GIGYF2: variants seen among roughly 807,000 people sequenced by gnomAD.
The protein encoded by GIGYF2 is GRB10 interacting GYF protein 2, also known as GRB10-interacting GYF protein 2.
In GIGYF2, 25 loss-of-function variants were observed where a neutral mutation model predicts 208.1. That is an observed-to-expected ratio of 0.12 (90% CI 0.09 to 0.17). The LOEUF (loss-of-function observed/expected upper bound fraction) is 0.17. GIGYF2 is among the 10% of genes least tolerant of loss of function. GIGYF2 has a pLI of 1.00. For missense variants in GIGYF2, 1,302 were observed against 1,579.4 expected (o/e 0.82, Z 2.98); for synonymous variants, 534 against 543.8 (o/e 0.98, Z 0.25).
rs571270424 is a variant in GIGYF2 at position 232,856,691 on chromosome 2, CACAA to C, written c.3833-90_3833-87del. On this transcript the variant is annotated intron_variant, in intron 28 of 28. Coordinates refer to ENST00000373563, the MANE Select transcript of GIGYF2 (RefSeq NM_001103146.3). Reference sequence around the variant, plus strand: ...TGGGTGACAGAGTGAAACCCTGTCTCACAAACAAACAAACACAGACTTACATTCC... The same window carrying C: ...TGGGTGACAGAGTGAAACCCTGTCTCACAAACAAACACAGACTTACATTCC... 1.0e-4 allele frequency: 86 copies of C among 825,460 alleles called. No individual in the cohort carries two copies. The East Asian group carries it at 1.4e-3, about 14-fold the overall frequency. The allele number at this position is 825,460 out of a possible 1,614,324, so 51.1% of individuals were successfully genotyped here.
At chr2:232,793,282 C>A (rs772688495) in intron 12 of GIGYF2, among the ~76,000 whole-genome samples, 1 of 152,148 alleles carries the variant, frequency 6.6e-6, no homozygotes, top group Non-Finnish European at 1.5e-5. Flanking sequence ...TTCACTGTGA[C>A]CGCTTAGACT....
intron 8 of GIGYF2, among the ~76,000 whole-genome samples, chr2:232,774,133 A>G (rs1362575279): frequency 6.6e-6 from 1 of 151,750 alleles, no homozygotes; most frequent in Non-Finnish European, 1.5e-5. Context: ...AAAAAAAAAA[A>G]GAAAGAAAAT....
intron 8 of GIGYF2, among the ~76,000 whole-genome samples, chr2:232,770,280 T>C (rs981089063): frequency 1.3e-5 from 2 of 152,232 alleles, no homozygotes; most frequent in African/African-American, 4.8e-5. Flanking sequence ...AAAAGGGCAC[T>C]AGTCCTCCTT....
At chr2:232,712,988 A>G (rs1696497332) in intron 2 of GIGYF2, among the ~76,000 whole-genome samples, 1 of 152,194 alleles carries the variant, frequency 6.6e-6, no homozygotes, top group Admixed American at 6.5e-5. Flanking sequence ...CCAGTACTAT[A>G]ACTACTAGCC....
At chr2:232,807,705 G>A (rs1360894656) in intron 15 of GIGYF2, among the ~76,000 whole-genome samples, 2 of 152,094 alleles carry the variant, frequency 1.3e-5, no homozygotes, top group Non-Finnish European at 2.9e-5. Context: ...GGACTGTCTG[G>A]TGACGGGCTG....
chr2:232,711,584 C>A (rs2106256989), intron 2 of GIGYF2, among the ~76,000 whole-genome samples: 2 of 151,094 alleles, frequency 1.3e-5, no homozygotes, highest in South Asian at 4.2e-4. Flanking sequence ...TACCTTTTTA[C>A]AGATTTCTTT....
intron 21 of GIGYF2, among the ~76,000 whole-genome samples, chr2:232,827,105 T>C (rs879629441): frequency 5.3e-5 from 8 of 152,174 alleles, no homozygotes; most frequent in African/African-American, 1.4e-4. Flanking sequence ...ACAGGCTGAC[T>C]CTCTTGTTAG....
At chr2:232,756,975 T>C (rs890890458) in intron 6 of GIGYF2, among the ~76,000 whole-genome samples, 4 of 152,248 alleles carry the variant, frequency 2.6e-5, no homozygotes, top group African/African-American at 9.6e-5. Context: ...AATATTTGCT[T>C]AATCATGTAG....
chr2:232,735,654 TG>T, intron 3 of GIGYF2: 1 of 968,718 alleles, frequency 1.0e-6, no homozygotes, highest in Non-Finnish European at 1.2e-6. Flanking sequence ...ATTTGAAAGA[TG>T]GGCTAGGCAG....
chr2:232,836,351 T>TATATATATAAATATAA (rs1479877455), intron 22 of GIGYF2, among the ~76,000 whole-genome samples: 6 of 35,900 alleles, frequency 1.7e-4, no homozygotes, highest in South Asian at 1.6e-3. Flanking sequence ...CTTATATATT[T>TATATATATAAATATAA]ATATATATAA....
intron 8 of GIGYF2, among the ~76,000 whole-genome samples, chr2:232,784,670 C>T (rs546542008): frequency 1.3e-5 from 2 of 152,164 alleles, no homozygotes; most frequent in African/African-American, 4.8e-5. Flanking sequence ...AGCCACCGCG[C>T]CTGGCCACAA....
intron 16 of GIGYF2, 24 bp downstream of exon 16, chr2:232,809,835 T>TC: frequency 1.2e-5 from 14 of 1,199,264 alleles, no homozygotes; most frequent in Non-Finnish European, 1.6e-5. Flanking sequence ...TGCAGTAGGA[T>TC]GTACTGCAGC....
intron 28 of GIGYF2, among the ~76,000 whole-genome samples, chr2:232,851,523 G>A (rs1212869632): frequency 6.6e-6 from 1 of 151,944 alleles, no homozygotes; most frequent in Non-Finnish European, 1.5e-5. Flanking sequence ...GGGTTCAAGC[G>A]ATTCTCTTGC....
chr2:232,841,410 C>T (rs1315651356), intron 23 of GIGYF2, among the ~76,000 whole-genome samples: 1 of 151,900 alleles, frequency 6.6e-6, no homozygotes, highest in Non-Finnish European at 1.5e-5. Flanking sequence ...ATTCTCCTGC[C>T]TCAGCCTCCC....
At chr2:232,738,106 G>A (rs375473617) in intron 3 of GIGYF2, among the ~76,000 whole-genome samples, 6 of 151,694 alleles carry the variant, frequency 4.0e-5, no homozygotes, top group South Asian at 4.2e-4. Flanking sequence ...TAGTAGAGAC[G>A]GGGTTTCACC....
At chr2:232,818,106 T>C (rs981788384) in intron 20 of GIGYF2, among the ~76,000 whole-genome samples, 3 of 152,222 alleles carry the variant, frequency 2.0e-5, no homozygotes, top group Non-Finnish European at 4.4e-5. Context: ...TGATATTTCA[T>C]TGTGGTTTTG....
intron 14 of GIGYF2, 146 bp downstream of exon 14, chr2:232,796,367 C>T (rs1700223663): frequency 1.5e-6 from 1 of 669,612 alleles, no homozygotes; most frequent in Non-Finnish European, 2.7e-6. Flanking sequence ...AGAAGTGTTT[C>T]TGATTTCAGA....
At chr2:232,842,161 C>T (rs1701836726) in intron 23 of GIGYF2, among the ~76,000 whole-genome samples, 1 of 152,026 alleles carries the variant, frequency 6.6e-6, no homozygotes, top group South Asian at 2.1e-4. Flanking sequence ...TTCTATGGGG[C>T]ATTTTCTCAG....
chr2:232,750,137 A>G (rs1698286619), intron 5 of GIGYF2, among the ~76,000 whole-genome samples: 1 of 151,978 alleles, frequency 6.6e-6, no homozygotes, highest in Non-Finnish European at 1.5e-5. Flanking sequence ...GTGAGCTGAG[A>G]TTGCATCACT....
Sources: allele counts gnomAD v4.1 joint callset (sites outside exome capture counted in the v4.1 genomes callset), GRCh38; gene constraint gnomAD v4.1.1; transcripts MANE v1.5; gene names NCBI Gene and HGNC (gene_info 2026-07-23, HGNC 2026-07-21).